Variants in ZNF536 observed in about 807,000 individuals in gnomAD.
ZNF536 encodes zinc finger protein 536.
A neutral mutation model predicts 84.5 loss-of-function variants in ZNF536; 13 were observed. That is an observed-to-expected ratio of 0.15 (90% CI 0.10 to 0.24). The LOEUF is 0.24. Among genes scored for constraint, ZNF536 ranks in the 10% least tolerant of loss-of-function variants. The pLI is 1.00. For synonymous variants in ZNF536, 811 were observed against 742.5 expected, an observed-to-expected ratio of 1.09 and a Z score of -1.50; for missense variants, 1,536 against 1,747.5, an observed-to-expected ratio of 0.88 and a Z score of 2.16.
intron 2 of ZNF536, among the ~76,000 whole-genome samples, chr19:30,321,756 T>G (rs1468289267): frequency 6.7e-6 from 1 of 150,126 alleles, no homozygotes; most frequent in Non-Finnish European, 1.5e-5. Flanking sequence ...ATTTTTGTTT[T>G]CTTTTTTCTT....
intron 1 of ZNF536, among the ~76,000 whole-genome samples, chr19:30,379,211 G>A (rs892281838): frequency 6.6e-6 from 1 of 152,194 alleles, no homozygotes; most frequent in African/African-American, 2.4e-5. Flanking sequence ...GTTTGAGTAA[G>A]GCATCCCTCT....
At chr19:30,479,967 G>A (rs2054007100) in intron 2 of ZNF536, among the ~76,000 whole-genome samples, 1 of 152,198 alleles carries the variant, frequency 6.6e-6, no homozygotes. Context: ...GGGAGCCCGC[G>A]CTGGGCTCTG....
chr19:30,259,110 C>T (rs752568376), intron 1 of ZNF536, among the ~76,000 whole-genome samples: 1 of 152,108 alleles, frequency 6.6e-6, no homozygotes, highest in Non-Finnish European at 1.5e-5. Context: ...AAGCCTGTAG[C>T]AACTCAACCC....
chr19:30,503,961 A>T (rs1226009082), intron 2 of ZNF536, among the ~76,000 whole-genome samples: 2 of 151,156 alleles, frequency 1.3e-5, no homozygotes, highest in Non-Finnish European at 1.5e-5. Flanking sequence ...ATTTGGAAAA[A>T]GTCTATATTT....
intron 1 of ZNF536, among the ~76,000 whole-genome samples, chr19:30,425,827 G>A (rs895068924): frequency 1.3e-5 from 2 of 152,232 alleles, no homozygotes; most frequent in African/African-American, 4.8e-5. Context: ...GCAGGACTGA[G>A]TAGGAAGAGG....
intron 2 of ZNF536, among the ~76,000 whole-genome samples, chr19:30,477,115 G>A (rs1177990102): frequency 6.6e-6 from 1 of 152,134 alleles, no homozygotes; most frequent in East Asian, 1.9e-4. Context: ...AGGTCCACTT[G>A]TCTTTACTTT....
chr19:30,556,744 G>A (rs2045977694), intron 4 of ZNF536: 2 of 157,722 alleles, frequency 1.3e-5, no homozygotes, highest in Non-Finnish European at 2.8e-5. Flanking sequence ...TGAATCAACA[G>A]GGCCTCTGAA....
At chr19:30,470,294 T>C (rs2053579332) in intron 2 of ZNF536, among the ~76,000 whole-genome samples, 1 of 152,180 alleles carries the variant, frequency 6.6e-6, no homozygotes, top group African/African-American at 2.4e-5. Flanking sequence ...CCAAATCTTC[T>C]TATACTCCAT....
chr19:30,390,489 G>A (rs1188780041), intron 1 of ZNF536, among the ~76,000 whole-genome samples: 1 of 152,200 alleles, frequency 6.6e-6, no homozygotes, highest in Non-Finnish European at 1.5e-5. Flanking sequence ...GGCTGGAGGG[G>A]CTGAAGTGAG....
At chr19:30,438,425 T>G (rs1234975254) in intron 1 of ZNF536, among the ~76,000 whole-genome samples, 3 of 152,174 alleles carry the variant, frequency 2.0e-5, no homozygotes, top group Non-Finnish European at 4.4e-5. Context: ...TCCAGGTGAA[T>G]AATTTGTGAC....
At chr19:30,277,547 C>G (rs1299251094) in intron 1 of ZNF536, among the ~76,000 whole-genome samples, 2 of 152,196 alleles carry the variant, frequency 1.3e-5, no homozygotes, top group African/African-American at 2.4e-5. Flanking sequence ...GGCAGCCCTA[C>G]GCGCTCTGTG....
chr19:30,629,292 C>A (rs929608002), intron 1 of ZNF536, among the ~76,000 whole-genome samples: 1 of 152,140 alleles, frequency 6.6e-6, no homozygotes, highest in Non-Finnish European at 1.5e-5. Context: ...TCGACCTCCT[C>A]GGGTTCAGGT....
chr19:30,240,536 A>C (rs903756467), intron 1 of ZNF536, among the ~76,000 whole-genome samples: 2 of 152,178 alleles, frequency 1.3e-5, no homozygotes, highest in Non-Finnish European at 2.9e-5. Context: ...TCTGCCTGGG[A>C]GGAGGCCCAG....
intron 1 of ZNF536, among the ~76,000 whole-genome samples, chr19:30,626,614 C>G (rs979916741): frequency 1.4e-4 from 21 of 152,274 alleles, no homozygotes; most frequent in African/African-American, 5.1e-4. Context: ...CCGCTACCCC[C>G]ACTTGGAGGC....
chr19:30,572,772 T>C (rs2046596618), intron 1 of ZNF536, among the ~76,000 whole-genome samples: 1 of 152,070 alleles, frequency 6.6e-6, no homozygotes, highest in Non-Finnish European at 1.5e-5. Flanking sequence ...GACCTTCACA[T>C]GAGAAGGTCA....
At chr19:30,252,167 A>G (rs1429324563) in intron 1 of ZNF536, among the ~76,000 whole-genome samples, 1 of 152,246 alleles carries the variant, frequency 6.6e-6, no homozygotes, top group Non-Finnish European at 1.5e-5. Context: ...AAGAAGATAT[A>G]CAAATAGCTA....
chr19:30,656,607 A>C (rs1446052525), intron 1 of ZNF536, among the ~76,000 whole-genome samples: 1 of 152,146 alleles, frequency 6.6e-6, no homozygotes, highest in Non-Finnish European at 1.5e-5. Context: ...AAAGGATGTC[A>C]TTCCCTTCTC....
chr19:30,469,419 A>C (rs1391560905), intron 2 of ZNF536, among the ~76,000 whole-genome samples: 1 of 152,116 alleles, frequency 6.6e-6, no homozygotes, highest in African/African-American at 2.4e-5. Flanking sequence ...CTCAAAAAAA[A>C]AGAGAGGAAG....
chr19:30,233,245 C>A (rs892803184), intron 1 of ZNF536, among the ~76,000 whole-genome samples: 1 of 152,112 alleles, frequency 6.6e-6, no homozygotes, highest in Non-Finnish European at 1.5e-5. Flanking sequence ...ATCCCTGGCC[C>A]CTGACTGTGA....
Sources: gnomAD v4.1 joint callset for allele counts (sites outside exome capture counted in the v4.1 genomes callset) on GRCh38, gnomAD v4.1.1 for gene constraint, MANE v1.5 for transcripts, NCBI Gene and HGNC (gene_info 2026-07-23, HGNC 2026-07-21) for gene names.